The following LINC00632 variants were observed in gnomAD, a reference collection of about 807,000 sequenced individuals.
The protein encoded by LINC00632 is long independently transcribed non-coding RNA 632.
chrX:140,785,646 T>C (rs1932008235), exon 5 of LINC00632, among the ~76,000 whole-genome samples: 1 of 112,266 alleles, frequency 8.9e-6, no homozygotes, highest in Admixed American at 9.5e-5. Context: ...TACCATTCCC[T>C]TGGACCTGTA....
At chrX:140,765,802 C>G (rs528616326) in intron 3 of LINC00632, among the ~76,000 whole-genome samples, 2 of 111,476 alleles carry the variant, frequency 1.8e-5, no homozygotes, top group Non-Finnish European at 3.8e-5. Context: ...TTAAGGGAGG[C>G]GACAAGGGGG....
chrX:140,735,937 A>C (rs1229384601), intron 3 of LINC00632, among the ~76,000 whole-genome samples: 2 of 111,697 alleles, frequency 1.8e-5, no homozygotes, highest in African/African-American at 6.5e-5. Context: ...TATAGGAAAT[A>C]TTCATAATTT....
rs765180639 is a variant in LINC00632 at position 140,728,898 on chromosome X, G to T, written n.105-4980G>T. 2.0e-4 allele frequency among the ~76,000 whole-genome samples: 22 copies of T among 110,492 alleles called. 1 individual carries two copies. The Admixed American group carries it at 2.0e-3, about 10-fold the overall frequency. ...TCACAACCTCACACCACCCCACAACGCCAATAAGTGACCTACAAAACATAA... is the reference window on the plus strand; with the variant it reads ...TCACAACCTCACACCACCCCACAACTCCAATAAGTGACCTACAAAACATAA... On this transcript the variant is annotated intron_variant and non_coding_transcript_variant, in intron 2 of 4. Coordinates refer to ENST00000648200, the Ensembl canonical transcript of LINC00632.
At chrX:140,714,506 A>G (rs1930581970) in intron 2 of LINC00632, 1 of 112,529 alleles carries the variant, frequency 8.9e-6, no homozygotes, top group African/African-American at 3.3e-5. Flanking sequence ...ATGTCACAAA[A>G]GACACACTCA....
rs187937071 is a variant in LINC00632 at position 140,742,913 on chromosome X, G to A, written n.191+8949G>A. Among the ~76,000 whole-genome samples, 483 of 105,290 alleles carry A rather than the reference G, an allele frequency of 4.6e-3. 4 individuals carry two copies. Among genetic ancestry groups the A allele is most frequent in the African/African-American group, 0.016 (459 of 28,339 alleles). 91.4% of individuals were successfully genotyped at this position (105,290 alleles called of 115,157 possible). ...GAAGGAAGGAAAGGAAAGGAAAAGG[G>A]AAAGGGAAAGGGAAAAGAAAAGAAA... On this transcript the variant is annotated intron_variant and non_coding_transcript_variant, in intron 3 of 4. Transcript: ENST00000648200.
rs191450766 is a variant in LINC00632, at chrX:140,725,513, C to T, written n.105-8365C>T. Among the ~76,000 whole-genome samples, 662 of 91,663 alleles carry T rather than the reference C, an allele frequency of 7.2e-3. 7 individuals are homozygous for T. The highest frequency in any genetic ancestry group is 0.011 in the Non-Finnish European group (510 of 44,539). The allele number at this position is 91,663 out of a possible 115,157, so 79.6% of individuals were successfully genotyped here. On this transcript the variant is annotated intron_variant and non_coding_transcript_variant, in intron 2 of 4. Coordinates refer to ENST00000648200, the Ensembl canonical transcript of LINC00632. Reference sequence around the variant, plus strand: ...CACACAGACACATTCCATATGCATACGCAGGTATGTCCCCAAAGAAATAGA... The same window carrying T: ...CACACAGACACATTCCATATGCATATGCAGGTATGTCCCCAAAGAAATAGA...
chrX:140,757,681 C>G (rs764428691), intron 3 of LINC00632, among the ~76,000 whole-genome samples: 1 of 111,479 alleles, frequency 9.0e-6, no homozygotes, highest in Non-Finnish European at 1.9e-5. Flanking sequence ...ATTCTCCTGT[C>G]TCAGCCTCCC....
chrX:140,783,608 G>T (rs1931965711), exon 5 of LINC00632: 1 of 1,206,188 alleles, frequency 8.3e-7, no homozygotes, highest in African/African-American at 1.8e-5. Context: ...GTGTCTTCCA[G>T]AAAGAAATCC....
chrX:140,743,846 T>A (rs1008414033), intron 3 of LINC00632, among the ~76,000 whole-genome samples: 1 of 111,583 alleles, frequency 9.0e-6, no homozygotes, highest in Non-Finnish European at 1.9e-5. Flanking sequence ...TTGGAGTTGC[T>A]AAAATTTTTA....
exon 5 of LINC00632, among the ~76,000 whole-genome samples, chrX:140,778,578 C>T (rs939591341): frequency 9.5e-6 from 1 of 105,566 alleles, no homozygotes; most frequent in African/African-American, 3.5e-5. Context: ...GCACTCCAGC[C>T]TGGCAACAGG....
At chrX:140,748,047 C>T (rs1433480221) in intron 3 of LINC00632, among the ~76,000 whole-genome samples, 1 of 111,490 alleles carries the variant, frequency 9.0e-6, no homozygotes, top group East Asian at 2.8e-4. Context: ...AGGCTGGTCT[C>T]GAGCTCCTGA....
chrX:140,736,436 C>CTTTTTTTTTTTTTTTTT (rs748293491), intron 3 of LINC00632, among the ~76,000 whole-genome samples: 6 of 50,052 alleles, frequency 1.2e-4, no homozygotes, highest in African/African-American at 2.9e-4. Flanking sequence ...TCTTCTTCTT[C>CTTTTTTTTTTTTTTTTT]TTTTTTTTTT....
chrX:140,784,401 A>G, exon 5 of LINC00632: 1 of 1,196,029 alleles, frequency 8.4e-7, no homozygotes, highest in South Asian at 1.8e-5. Flanking sequence ...CAGAAAATAT[A>G]TGTCTTCCAA....
intron 3 of LINC00632, among the ~76,000 whole-genome samples, chrX:140,741,762 T>C (rs1050581204): frequency 8.9e-5 from 10 of 112,158 alleles, no homozygotes; most frequent in African/African-American, 3.2e-4. Context: ...AAATACCAGA[T>C]GGCTCCAAAT....
exon 5 of LINC00632, among the ~76,000 whole-genome samples, chrX:140,776,451 T>C (rs1454155021): frequency 8.8e-6 from 1 of 113,041 alleles, no homozygotes; most frequent in African/African-American, 3.2e-5. Flanking sequence ...TCTGCCTGCG[T>C]GCTCAGGGGG....
intron 2 of LINC00632, among the ~76,000 whole-genome samples, chrX:140,720,553 A>T (rs935058256): frequency 8.9e-6 from 1 of 112,253 alleles, no homozygotes; most frequent in Non-Finnish European, 1.9e-5. Flanking sequence ...CTCCCTGTGC[A>T]TAGAATCGCT....
chrX:140,735,610 A>G (rs1931131763), intron 3 of LINC00632, among the ~76,000 whole-genome samples: 1 of 111,142 alleles, frequency 9.0e-6, no homozygotes. Context: ...CTTGTTGCCC[A>G]GGCTGGAGTG....
intron 3 of LINC00632, among the ~76,000 whole-genome samples, chrX:140,742,052 C>A (rs1931231678): frequency 1.8e-5 from 2 of 111,921 alleles, no homozygotes; most frequent in African/African-American, 6.5e-5. Context: ...TCTCATCAGT[C>A]CCAGGTAATC....
At chrX:140,784,665 C>A in exon 5 of LINC00632, 1 of 360,154 alleles carries the variant, frequency 2.8e-6, no homozygotes, top group Non-Finnish European at 5.0e-6. Context: ...TCCAGGTATT[C>A]TAACATGTTC....
Sources: allele counts gnomAD v4.1 joint callset (sites outside exome capture counted in the v4.1 genomes callset), GRCh38; gene constraint gnomAD v4.1.1; transcripts MANE v1.5; gene names NCBI Gene and HGNC (gene_info 2026-07-23, HGNC 2026-07-21).